MCPH1: variants seen among roughly 807,000 people sequenced by gnomAD.
MCPH1 encodes the protein microcephalin.
MCPH1 carries 104 observed loss-of-function variants against 84.5 expected under a neutral mutation model. The ratio of observed to expected loss-of-function variants is 1.23; its 90% confidence interval spans 1.05 to 1.45. The LOEUF (loss-of-function observed/expected upper bound fraction) is 1.45, where lower values mean the gene tolerates loss of function less well. MCPH1 is among the 40% of genes most tolerant of loss of function. MCPH1 has a pLI of 0.00. For missense variants in MCPH1, 1,498 were observed against 1,005.7 expected, an observed-to-expected ratio of 1.49 and a Z score of -6.62; for synonymous variants, 514 against 366.8, an observed-to-expected ratio of 1.40 and a Z score of -4.58.
intron 12 of MCPH1, among the ~76,000 whole-genome samples, chr8:6,546,633 C>T (rs1822624211): frequency 6.6e-6 from 1 of 152,068 alleles, no homozygotes; most frequent in Non-Finnish European, 1.5e-5. Flanking sequence ...GAGCTAACCG[C>T]TTAATACAAG....
In MCPH1 at chr8:6,531,129, G is replaced by C. The variant is rs150661555; in HGVS notation, c.2214+31200G>C. ...AGTCACGACCACGGCCTTGAGCTTG[G>C]AGCGTCTGCATTTGTACTGCTAATA... On this transcript the variant is annotated intron_variant, in intron 12 of 13. Transcript: ENST00000344683. Among the ~76,000 whole-genome samples, 9 of 152,076 alleles carry C rather than the reference G, an allele frequency of 5.9e-5. No individual in the cohort carries two copies. In the East Asian group the frequency reaches 1.6e-3, roughly 26 times the overall value.
At chr8:6,573,217 A>G (rs1826806603) in intron 12 of MCPH1, among the ~76,000 whole-genome samples, 1 of 152,104 alleles carries the variant, frequency 6.6e-6, no homozygotes, top group South Asian at 2.1e-4. Flanking sequence ...TCCTGATGTG[A>G]CTGAGAAAGG....
At chr8:6,447,180 T>C in intron 8 of MCPH1, 4 of 985,406 alleles carry the variant, frequency 4.1e-6, no homozygotes, top group Non-Finnish European at 3.6e-6. Flanking sequence ...TTTATAGTAA[T>C]AAAGATTCAT....
chr8:6,626,821 C>T (rs1796750612), intron 13 of MCPH1: 1 of 985,128 alleles, frequency 1.0e-6, no homozygotes, highest in African/African-American at 1.7e-5. Flanking sequence ...GCTCTGTGCA[C>T]TCTTCCCTCC....
chr8:6,549,140 C>T (rs989073278), intron 12 of MCPH1, among the ~76,000 whole-genome samples: 4 of 152,142 alleles, frequency 2.6e-5, no homozygotes, highest in African/African-American at 7.2e-5. Context: ...TCAGAGATAG[C>T]AGTACAAGAA....
chr8:6,541,126 T>C (rs1224989509), intron 12 of MCPH1, among the ~76,000 whole-genome samples: 1 of 152,230 alleles, frequency 6.6e-6, no homozygotes, highest in African/African-American at 2.4e-5. Context: ...GCAAGGCCTG[T>C]CTCTGAGATG....
chr8:6,523,278 T>G (rs565080488), intron 12 of MCPH1, among the ~76,000 whole-genome samples: 3 of 152,190 alleles, frequency 2.0e-5, no homozygotes, highest in Non-Finnish European at 4.4e-5. Flanking sequence ...ATTACAGGCA[T>G]GAGCCACCAC....
At chr8:6,542,421 C>A (rs1476232358) in intron 12 of MCPH1, among the ~76,000 whole-genome samples, 1 of 151,996 alleles carries the variant, frequency 6.6e-6, no homozygotes, top group Middle Eastern at 3.4e-3. Context: ...CATTCCAAAG[C>A]TTGGTGGGCA....
chr8:6,513,902 A>G, intron 12 of MCPH1: 1 of 1,473,240 alleles, frequency 6.8e-7, no homozygotes, highest in Non-Finnish European at 9.3e-7. Context: ...TGTATATTTG[A>G]AGTGGATAGT....
chr8:6,509,668 A>C lies in MCPH1; in HGVS notation c.2214+9739A>C, dbSNP rs1282190367. Among the ~76,000 whole-genome samples, 4 of 152,220 alleles carry C rather than the reference A, an allele frequency of 2.6e-5. No homozygotes were observed. The East Asian group carries it at 7.7e-4, about 29-fold the overall frequency. On this transcript the variant is annotated intron_variant, in intron 12 of 13. Coordinates refer to ENST00000344683, the MANE Select transcript of MCPH1 (RefSeq NM_024596.5). Reference sequence around the variant, plus strand: ...TTAGACACTATTTACAATACAGACGATCCCTGACTTCCCATGGGGCTATGT... The same window carrying C: ...TTAGACACTATTTACAATACAGACGCTCCCTGACTTCCCATGGGGCTATGT...
At chr8:6,465,982 C>G (rs1191836250) in intron 9 of MCPH1, among the ~76,000 whole-genome samples, 1 of 139,748 alleles carries the variant, frequency 7.2e-6, no homozygotes, top group East Asian at 2.1e-4. Context: ...CGATACAGAG[C>G]CTCGCTCTGT....
At chr8:6,471,305 A>G (rs1452677692) in intron 9 of MCPH1, among the ~76,000 whole-genome samples, 2 of 152,214 alleles carry the variant, frequency 1.3e-5, no homozygotes, top group African/African-American at 2.4e-5. Context: ...AGCAAAGGCC[A>G]TGGTTGCATA....
In MCPH1 at chr8:6,576,682, A is replaced by ATTTTTTT. The variant is rs58486084; in HGVS notation, c.2215-44733_2215-44727dup. On this transcript the variant is annotated intron_variant, in intron 12 of 13. Transcript: ENST00000344683. ...GCCACCACGCTCTGCTAATTTTTGT[A>ATTTTTTT]TTTTTTTTTTTTTTTTTTTTTTTTT... Among the ~76,000 whole-genome samples, 46 of 42,342 alleles carry ATTTTTTT rather than the reference A, an allele frequency of 1.1e-3. 3 individuals are homozygous for ATTTTTTT. Among genetic ancestry groups the ATTTTTTT allele is most frequent in the Middle Eastern group, 0.018 (1 of 56 alleles). 27.8% of individuals were successfully genotyped at this position (42,342 alleles called of 152,430 possible). A position where few individuals can be genotyped will look rare whatever the true frequency, so the allele number is the denominator to read the frequency against.
chr8:6,562,571 T>TTTTTTTTTTTTTTTTTTTTTTAAAAAA, intron 12 of MCPH1: 1 of 417,078 alleles, frequency 2.4e-6, no homozygotes. Context: ...TTTTTTTTTT[T>TTTTTTTTTTTTTTTTTTTTTTAAAAAA]GGTTGTTAAA....
intron 1 of MCPH1, chr8:6,407,019 A>G (rs1461950883): frequency 4.2e-5 from 12 of 285,382 alleles, no homozygotes; most frequent in Admixed American, 1.7e-4. Context: ...GTTCCCCTCA[A>G]TCCCCCGCTG....
chr8:6,532,574 TAAAAAAAAA>T (rs10662997), intron 12 of MCPH1: 1 of 538,224 alleles, frequency 1.9e-6, no homozygotes, highest in Non-Finnish European at 2.7e-6. Flanking sequence ...TCCCTATCTT[TAAAAAAAAA>T]AAAAAAAAAT....
intron 12 of MCPH1, among the ~76,000 whole-genome samples, chr8:6,550,966 C>T (rs1823543191): frequency 6.6e-6 from 1 of 152,206 alleles, no homozygotes; most frequent in African/African-American, 2.4e-5. Flanking sequence ...TCTCTGACTG[C>T]TGTCCTAATA....
chr8:6,508,139 A>T lies in MCPH1; in HGVS notation c.2214+8210A>T, dbSNP rs183519259. On this transcript the variant is annotated intron_variant, in intron 12 of 13. Transcript: ENST00000344683. ...GTGTTTATAGGTGTTGCTATATATT[A>T]ATGGAATCTTTTTTAAAAAGACAGC... The T allele has an allele frequency of 2.0e-5, 3 of 152,346 alleles. No homozygotes were observed. In the East Asian group the frequency reaches 5.8e-4, roughly 29 times the overall value. The allele number at this position is 152,346 out of a possible 1,614,324, so 9.4% of individuals were successfully genotyped here.
chr8:6,628,347 T>C (rs950791274), intron 13 of MCPH1, among the ~76,000 whole-genome samples: 6 of 151,686 alleles, frequency 4.0e-5, no homozygotes, highest in African/African-American at 1.5e-4. Flanking sequence ...GGCAGGTGCC[T>C]GTAGTCCCAG....
Sources: allele counts gnomAD v4.1 joint callset (sites outside exome capture counted in the v4.1 genomes callset), GRCh38; gene constraint gnomAD v4.1.1; transcripts MANE v1.5; gene names NCBI Gene and HGNC (gene_info 2026-07-23, HGNC 2026-07-21).